DAB1: variants seen among roughly 807,000 people sequenced by gnomAD.
The protein encoded by DAB1 is DAB adaptor protein 1.
A neutral mutation model predicts 64.6 loss-of-function variants in DAB1; 15 were observed. The observed-to-expected ratio is 0.23, with a 90% CI of 0.16 to 0.36. DAB1 has a LOEUF of 0.36. Ranked by LOEUF, DAB1 falls within the 10% of genes least tolerant of loss-of-function variation. The pLI is 1.00. For synonymous variants in DAB1, 235 were observed against 251.9 expected (o/e 0.93, Z 0.64); for missense variants, 596 against 706.7 (o/e 0.84, Z 1.78).
chr1:58,003,094 G>A (rs1646531044), intron 5 of DAB1, among the ~76,000 whole-genome samples: 3 of 152,112 alleles, frequency 2.0e-5, no homozygotes, highest in African/African-American at 7.2e-5. Context: ...AATCACTTAA[G>A]TTCTTAAGCT....
At chr1:57,427,834 T>A (rs1340308218), upstream of DAB1, among the ~76,000 whole-genome samples, 1 of 152,166 alleles carries the variant, frequency 6.6e-6, no homozygotes, top group African/African-American at 2.4e-5. Context: ...TACCTTCACA[T>A]AGTTACTAAT....
rs115676512 is a variant in DAB1 at position 57,853,342 on chromosome 1, G to A, written n.88-26887C>T. On this transcript the variant is annotated intron_variant and non_coding_transcript_variant, in intron 1 of 1. Transcript: ENST00000477280. ...GGAGAAGGTAGTTAGCTAAGTTGGT[G>A]ATATACTGAAGAGGTCCAAGAGGCT... Among the ~76,000 whole-genome samples the A allele has an allele frequency of 1.5e-3, 230 of 152,072 alleles. 1 individual carries two copies. Among genetic ancestry groups the A allele is most frequent in the African/African-American group, 5.0e-3 (209 of 41,478 alleles).
chr1:57,607,581 C>T (rs988509524), intron 7 of DAB1, among the ~76,000 whole-genome samples: 3 of 152,180 alleles, frequency 2.0e-5, no homozygotes, highest in East Asian at 1.9e-4. Context: ...CATCATCTCT[C>T]GCCTGACCAT....
intron 4 of DAB1, among the ~76,000 whole-genome samples, chr1:57,109,752 G>A (rs759132699): frequency 1.1e-4 from 17 of 152,146 alleles, no homozygotes; most frequent in Admixed American, 2.6e-4. Context: ...TATTCCTGAT[G>A]AGAATAGGAA....
At chr1:57,757,895 T>C (rs1049568092) in intron 6 of DAB1, among the ~76,000 whole-genome samples, 1 of 152,050 alleles carries the variant, frequency 6.6e-6, no homozygotes, top group Admixed American at 6.6e-5. Context: ...AGGCTCTCTG[T>C]AGCATTGAAC....
intron 3 of DAB1, among the ~76,000 whole-genome samples, chr1:58,446,747 T>A (rs764433484): frequency 6.6e-6 from 1 of 152,224 alleles, no homozygotes; most frequent in Non-Finnish European, 1.5e-5. Flanking sequence ...ATGCCATCCA[T>A]CCTTGTTGTT....
intron 5 of DAB1, among the ~76,000 whole-genome samples, chr1:58,036,096 G>A (rs770219792): frequency 6.6e-5 from 10 of 152,168 alleles, no homozygotes; most frequent in African/African-American, 1.9e-4. Context: ...TGAGATGGTC[G>A]GGAAACCGGG....
At chr1:58,012,074 A>G (rs1211777466) in intron 5 of DAB1, among the ~76,000 whole-genome samples, 1 of 152,208 alleles carries the variant, frequency 6.6e-6, no homozygotes, top group East Asian at 1.9e-4. Flanking sequence ...TGAGTCTTGT[A>G]TAGTGACCAT....
chr1:57,194,901 T>G (rs190029940), intron 2 of DAB1, among the ~76,000 whole-genome samples: 223 of 152,338 alleles, frequency 1.5e-3, no homozygotes, highest in Non-Finnish European at 2.5e-3. Context: ...CCTGAGGCTT[T>G]GTTTATAGAC....
intron 4 of DAB1, among the ~76,000 whole-genome samples, chr1:58,158,661 A>G (rs1213949222): frequency 6.6e-6 from 1 of 152,186 alleles, no homozygotes; most frequent in African/African-American, 2.4e-5. Context: ...GAGAATGGGA[A>G]AGTAGCCACA....
chr1:57,920,462 C>T (rs1644791828), intron 5 of DAB1, among the ~76,000 whole-genome samples: 1 of 152,072 alleles, frequency 6.6e-6, no homozygotes, highest in South Asian at 2.1e-4. Flanking sequence ...TACAGGTGTG[C>T]ACCACCACAC....
At chr1:57,589,898 C>A (rs940145198) in intron 7 of DAB1, among the ~76,000 whole-genome samples, 4 of 151,942 alleles carry the variant, frequency 2.6e-5, no homozygotes, top group Non-Finnish European at 5.9e-5. Flanking sequence ...TTTTAAAAAC[C>A]TTATAGTAAG....
intron 9 of DAB1, among the ~76,000 whole-genome samples, chr1:57,046,540 AC>A (rs1323870067): frequency 2.0e-5 from 3 of 152,238 alleles, no homozygotes; most frequent in Admixed American, 2.0e-4. Context: ...GAATTACTGT[AC>A]TAAGAGAGAA....
chr1:57,978,140 G>A (rs954674398), intron 5 of DAB1, among the ~76,000 whole-genome samples: 1 of 152,134 alleles, frequency 6.6e-6, no homozygotes, highest in Non-Finnish European at 1.5e-5. Context: ...AAAGCTGGAG[G>A]CATTATGCTA....
rs560692770 is a variant in DAB1, at chr1:57,922,242, C to T, written n.388-38080G>A. Among the ~76,000 whole-genome samples the T allele has an allele frequency of 8.6e-5, 13 of 151,988 alleles. No homozygotes were observed. In the South Asian group the frequency reaches 2.7e-3, roughly 32 times the overall value. On this transcript the variant is annotated intron_variant and non_coding_transcript_variant, in intron 5 of 20. Coordinates refer to the DAB1 transcript ENST00000485760. ...GCTCAGTTTCAATTATGAGTCTCTG[C>T]AGCAGCCAGTACAGGCCTGCCATTA...
In DAB1 at chr1:57,721,609, C is replaced by T. The variant is rs574615491; in HGVS notation, n.552-71944G>A. 3.9e-5 allele frequency among the ~76,000 whole-genome samples: 6 copies of T among 152,246 alleles called. No homozygotes were observed. The East Asian group carries it at 1.2e-3, about 29-fold the overall frequency. On this transcript the variant is annotated intron_variant and non_coding_transcript_variant, in intron 6 of 20. Transcript: ENST00000485760. ...GTAAGTAACAGAGGAAGGAAAGAGC[C>T]CAGGCTATCTGAGTTCTGAATCCAG...
At chr1:58,359,782 T>G (rs1488117820) in intron 3 of DAB1, among the ~76,000 whole-genome samples, 1 of 152,044 alleles carries the variant, frequency 6.6e-6, no homozygotes, top group East Asian at 1.9e-4. Context: ...ACGTTGCCAC[T>G]GGAAGATGAT....
chr1:57,291,002 G>A lies in DAB1; in HGVS notation c.29C>T (p.Ala10Val). 1.2e-6 allele frequency: 2 copies of A among 1,611,706 alleles called. No homozygotes were observed. Among genetic ancestry groups the A allele is most frequent in the Non-Finnish European group, 1.7e-6 (2 of 1,178,848 alleles). ...GTCTTTCTTGGCGCTGGTTTTCACAGCTACTTGAAGTTCTGTCTCAGTTGA... is the reference window on the plus strand; with the variant it reads ...GTCTTTCTTGGCGCTGGTTTTCACAACTACTTGAAGTTCTGTCTCAGTTGA... MSTETELQV[A>V]VKTSAKKDSR... The change falls in exon 2 of 15, where the codon GCT becomes GTT. Residue 10 changes from alanine to valine, a missense_variant. This residue lies in a region of DAB1 where 43 missense variants were observed against 39.6 expected (regional missense o/e 1.09). Transcript: ENST00000371236.
intron 6 of DAB1, among the ~76,000 whole-genome samples, chr1:57,800,552 C>A (rs1212967611): frequency 2.0e-5 from 3 of 152,142 alleles, no homozygotes; most frequent in Admixed American, 1.3e-4. Flanking sequence ...ATACACCTTC[C>A]CCATGCGATG....
Sources: allele counts gnomAD v4.1 joint callset (sites outside exome capture counted in the v4.1 genomes callset), GRCh38; gene constraint gnomAD v4.1.1; regional missense constraint gnomAD v4.1.1; transcripts MANE v1.5; gene names NCBI Gene and HGNC (gene_info 2026-07-23, HGNC 2026-07-21).